The following FRMD4B variants were observed in gnomAD, a reference collection of about 807,000 sequenced individuals.
FRMD4B encodes FERM domain-containing protein 4B.
Under a neutral mutation model 141.5 loss-of-function variants are expected in FRMD4B, and 74 were observed. The ratio of observed to expected loss-of-function variants is 0.52; its 90% confidence interval spans 0.43 to 0.63. The LOEUF (loss-of-function observed/expected upper bound fraction) is 0.63. Among genes scored for constraint, FRMD4B ranks in the 30% least tolerant of loss-of-function variants. The pLI is 0.00. For synonymous variants in FRMD4B, 506 were observed against 467.9 expected, an observed-to-expected ratio of 1.08 and a Z score of -1.05; for missense variants, 1,366 against 1,253.4, an observed-to-expected ratio of 1.09 and a Z score of -1.36.
At chr3:69,533,698 T>A (rs886270223) in intron 1 of FRMD4B, among the ~76,000 whole-genome samples, 1 of 152,158 alleles carries the variant, frequency 6.6e-6, no homozygotes, top group African/African-American at 2.4e-5. Context: ...TTCCTCCTAC[T>A]TATCAAATGC....
At chr3:69,370,211 G>A (rs962824918) in intron 1 of FRMD4B, among the ~76,000 whole-genome samples, 2 of 151,874 alleles carry the variant, frequency 1.3e-5, no homozygotes, top group African/African-American at 4.8e-5. Context: ...CTGAGACAGG[G>A]TCAGAATGAT....
rs116253077 is a variant in FRMD4B, at chr3:69,191,115, T to C, written c.1715-1163A>G. Among the ~76,000 whole-genome samples the C allele has an allele frequency of 7.5e-3, 1,139 of 152,336 alleles. 14 individuals carry two copies. Among genetic ancestry groups the C allele is most frequent in the African/African-American group, 0.026 (1,091 of 41,576 alleles). On this transcript the variant is annotated intron_variant, in intron 17 of 22. Transcript: ENST00000398540. Reference sequence around the variant, plus strand: ...TGGCCATAACACTCTATTGCTGGTATCCATCAAATGTTAAATAATGTGGCC... The same window carrying C: ...TGGCCATAACACTCTATTGCTGGTACCCATCAAATGTTAAATAATGTGGCC...
intron 11 of FRMD4B, among the ~76,000 whole-genome samples, chr3:69,216,038 C>T (rs899570947): frequency 2.6e-5 from 4 of 152,120 alleles, no homozygotes; most frequent in Admixed American, 6.5e-5. Context: ...CCTGTAATCC[C>T]AGCTACTTGG....
chr3:69,380,702 G>A (rs1332954324), intron 1 of FRMD4B, among the ~76,000 whole-genome samples: 1 of 152,134 alleles, frequency 6.6e-6, no homozygotes, highest in African/African-American at 2.4e-5. Flanking sequence ...CCTGCCTCAG[G>A]GGAGCTGACC....
intron 1 of FRMD4B, 136 bp downstream of exon 1, chr3:69,385,692 G>C: frequency 2.8e-6 from 2 of 704,010 alleles, no homozygotes; most frequent in Non-Finnish European, 4.3e-6. Flanking sequence ...GCTGCTGAGC[G>C]TTTGACCCAA....
intron 5 of FRMD4B, among the ~76,000 whole-genome samples, chr3:69,286,501 A>C (rs995790918): frequency 6.6e-6 from 1 of 152,226 alleles, no homozygotes; most frequent in South Asian, 2.1e-4. Flanking sequence ...GTAACCATGG[A>C]AACAACAAAG....
At chr3:69,450,494 A>G (rs1705477592) in intron 1 of FRMD4B, among the ~76,000 whole-genome samples, 1 of 151,818 alleles carries the variant, frequency 6.6e-6, no homozygotes, top group African/African-American at 2.4e-5. Context: ...GGCTCACACC[A>G]CTAATCCCAG....
Position 69,211,183 on chromosome 3 carries a change from G to A in FRMD4B, c.876+5080C>T, listed in dbSNP as rs144460006. Among the ~76,000 whole-genome samples the A allele has an allele frequency of 9.3e-4, 141 of 152,178 alleles. 1 individual carries two copies. The highest frequency in any genetic ancestry group is 3.4e-3 in the Middle Eastern group (1 of 294). On this transcript the variant is annotated intron_variant, in intron 11 of 22. Transcript: ENST00000398540. ...TCTCACTACTACTAATGATGATGGCGTATCAGCTATGGTGCTAAATTTGTC... is the reference window on the plus strand; with the variant it reads ...TCTCACTACTACTAATGATGATGGCATATCAGCTATGGTGCTAAATTTGTC...
chr3:69,335,132 G>A (rs1011077426), intron 1 of FRMD4B, among the ~76,000 whole-genome samples: 4 of 152,072 alleles, frequency 2.6e-5, no homozygotes, highest in Non-Finnish European at 4.4e-5. Context: ...CTATGGTCAC[G>A]CCACTGCACT....
chr3:69,228,850 AG>A (rs1408682062), intron 7 of FRMD4B, among the ~76,000 whole-genome samples: 1 of 151,316 alleles, frequency 6.6e-6, no homozygotes, highest in Admixed American at 6.6e-5. Context: ...AAAAAAAAAA[AG>A]AATGGAGAGA....
intron 5 of FRMD4B, among the ~76,000 whole-genome samples, chr3:69,284,124 A>G (rs2107037573): frequency 6.6e-6 from 1 of 152,320 alleles, no homozygotes; most frequent in African/African-American, 2.4e-5. Flanking sequence ...TGGAGGGAGA[A>G]ACACAGCAGA....
rs764466280 is a variant in FRMD4B at position 69,198,745 on chromosome 3, T to G, written c.906A>C (p.Leu302Phe). The change falls in exon 12 of 23, where the codon TTA becomes TTC. Residue 302 changes from leucine to phenylalanine, a missense_variant. Leu to Phe is a conservative substitution (Grantham distance 22, BLOSUM62 0). Coordinates refer to ENST00000398540, the MANE Select transcript of FRMD4B (RefSeq NM_015123.3). ...CAGCAAATTTTTTCTCACGGAAATA[T>G]AAGTTCTCCAGCTGTTTCCATTGGA... ...KLFQWKQLEN[L>F]YFREKKFAVE... 1.9e-6 allele frequency: 3 copies of G among 1,562,202 alleles called. No homozygotes were observed. Among genetic ancestry groups the G allele is most frequent in the Non-Finnish European group, 2.6e-6 (3 of 1,144,566 alleles).
intron 1 of FRMD4B, among the ~76,000 whole-genome samples, chr3:69,512,350 C>T (rs964699485): frequency 2.0e-5 from 3 of 152,052 alleles, no homozygotes; most frequent in South Asian, 2.1e-4. Flanking sequence ...TTGGGTTAAC[C>T]GCATAATTTC....
chr3:69,509,388 C>T (rs2107093897), intron 1 of FRMD4B, among the ~76,000 whole-genome samples: 1 of 152,300 alleles, frequency 6.6e-6, no homozygotes, highest in South Asian at 2.1e-4. Context: ...GCTGTTCCCT[C>T]CCGCCATGTT....
intron 1 of FRMD4B, among the ~76,000 whole-genome samples, chr3:69,534,822 A>C (rs767487380): frequency 2.6e-5 from 4 of 152,262 alleles, no homozygotes; most frequent in Admixed American, 6.5e-5. Context: ...CTCATCTGTC[A>C]AATGGACAAT....
intron 14 of FRMD4B, among the ~76,000 whole-genome samples, chr3:69,195,715 GCA>G (rs2107650319): frequency 1.9e-3 from 1 of 540 alleles, no homozygotes; most frequent in African/African-American, 2.0e-3. Flanking sequence ...TAAAAAGTAA[GCA>G]AGCAAGCAAG....
intron 1 of FRMD4B, among the ~76,000 whole-genome samples, chr3:69,438,513 C>T (rs1010919579): frequency 5.3e-5 from 8 of 152,182 alleles, no homozygotes; most frequent in African/African-American, 1.9e-4. Flanking sequence ...TTAGACATCA[C>T]TTGAATGTGT....
intron 1 of FRMD4B, among the ~76,000 whole-genome samples, chr3:69,479,226 T>C (rs1342086870): frequency 2.0e-5 from 3 of 150,940 alleles, no homozygotes; most frequent in Admixed American, 2.0e-4. Flanking sequence ...AATATTGTTA[T>C]GTGTGAATTT....
chr3:69,527,475 G>A (rs922657931), intron 1 of FRMD4B, among the ~76,000 whole-genome samples: 5 of 152,146 alleles, frequency 3.3e-5, no homozygotes, highest in Admixed American at 3.3e-4. Flanking sequence ...CCAGCCAAAA[G>A]CAAAGCAGAG....
Sources: gnomAD v4.1 joint callset for allele counts (sites outside exome capture counted in the v4.1 genomes callset) on GRCh38, gnomAD v4.1.1 for gene constraint, MANE v1.5 for transcripts, NCBI Gene and HGNC (gene_info 2026-07-23, HGNC 2026-07-21) for gene names.